The following TXNRD2 variants were observed in gnomAD, a reference collection of about 807,000 sequenced individuals.
TXNRD2 encodes thioredoxin reductase 2.
TXNRD2 carries 67 observed loss-of-function variants against 70.8 expected under a neutral mutation model. That is an observed-to-expected ratio of 0.95 (90% CI 0.78 to 1.16). The LOEUF (loss-of-function observed/expected upper bound fraction) is 1.16, where lower values mean the gene tolerates loss of function less well. TXNRD2 is among the 50% of genes most tolerant of loss of function. The pLI is 0.00. For missense variants in TXNRD2, 644 were observed against 719.9 expected, an observed-to-expected ratio of 0.89 and a Z score of 1.21; for synonymous variants, 301 against 295.8, an observed-to-expected ratio of 1.02 and a Z score of -0.18.
At chr22:19,931,155 G>C in intron 1 of TXNRD2, 57 bp from the exon 2 acceptor site, 2 of 1,531,516 alleles carry the variant, frequency 1.3e-6, no homozygotes, top group Non-Finnish European at 1.8e-6. Flanking sequence ...CGTGGTACAG[G>C]ATCAATTTTA....
chr22:19,888,221 G>T (rs1317329665), intron 11 of TXNRD2, among the ~76,000 whole-genome samples: 1 of 152,198 alleles, frequency 6.6e-6, no homozygotes, highest in Non-Finnish European at 1.5e-5. Flanking sequence ...GAACAGCCGT[G>T]CAGGGCAGCC....
chr22:19,883,290 G>A, intron 12 of TXNRD2, 35 bp downstream of exon 12: 1 of 1,607,874 alleles, frequency 6.2e-7, no homozygotes, highest in Non-Finnish European at 8.5e-7. Flanking sequence ...GAGCAGGCAG[G>A]GGCAGGGGCC....
At chr22:19,890,238 C>T (rs56114807) in intron 11 of TXNRD2, among the ~76,000 whole-genome samples, 4,364 of 152,296 alleles carry the variant, frequency 0.029, 82 homozygotes, top group South Asian at 0.051. Flanking sequence ...CCGCAGCCAC[C>T]GCTCATAGGA....
Position 19,895,271 on chromosome 22 carries a change from T to G in TXNRD2, c.949+136A>C, listed in dbSNP as rs1601409416. 3 of 1,592,816 alleles carry G rather than the reference T, an allele frequency of 1.9e-6. No homozygotes were observed. In the South Asian group the frequency reaches 3.3e-5, roughly 18 times the overall value. On this transcript the variant is annotated intron_variant, in intron 11 of 17. Transcript: ENST00000400521. Reference sequence around the variant, plus strand: ...CAGGCCTTCACGGTTGCTCTCGAGGTGCACTGGGGAGCGGCCAACCCGCCT... The same window carrying G: ...CAGGCCTTCACGGTTGCTCTCGAGGGGCACTGGGGAGCGGCCAACCCGCCT...
chr22:19,922,449 T>C (rs1474346963), intron 2 of TXNRD2, among the ~76,000 whole-genome samples: 1 of 152,180 alleles, frequency 6.6e-6, no homozygotes, highest in East Asian at 1.9e-4. Context: ...CCACATTAAG[T>C]ATTCAAATGG....
At chr22:19,899,210 A>G in intron 8 of TXNRD2, 142 bp from the exon 9 acceptor site, 1 of 1,062,070 alleles carries the variant, frequency 9.4e-7, no homozygotes, top group Non-Finnish European at 1.4e-6. Context: ...AGCTTGCCCC[A>G]GGGGACAAAG....
chr22:19,899,205 GC>G, intron 8 of TXNRD2, 137 bp from the exon 9 acceptor site: 1 of 1,118,292 alleles, frequency 8.9e-7, no homozygotes, highest in Non-Finnish European at 1.3e-6. Context: ...CAAACAGCTT[GC>G]CCCAGGGGAC....
chr22:19,938,681 C>T (rs1028323847), intron 1 of TXNRD2, among the ~76,000 whole-genome samples: 6 of 152,152 alleles, frequency 3.9e-5, no homozygotes, highest in Admixed American at 2.6e-4. Context: ...CATTAATCTT[C>T]GGGGCAGAGA....
intron 11 of TXNRD2, among the ~76,000 whole-genome samples, chr22:19,890,789 G>A (rs886899077): frequency 3.3e-5 from 5 of 152,234 alleles, no homozygotes; most frequent in African/African-American, 1.2e-4. Context: ...AGTCTGCGGT[G>A]TACGGGAGCC....
chr22:19,878,872 C>T (rs541351148), intron 14 of TXNRD2, among the ~76,000 whole-genome samples: 4 of 152,350 alleles, frequency 2.6e-5, no homozygotes, highest in South Asian at 2.1e-4. Flanking sequence ...GGAGCAAGGC[C>T]GCTGTGGCCA....
Position 19,880,609 on chromosome 22 carries a change from C to T in TXNRD2, c.1182+13G>A. 6.2e-7 allele frequency: 1 copy of T among 1,612,648 alleles called. No individual in the cohort carries two copies. Among genetic ancestry groups the T allele is most frequent in the African/African-American group, 1.3e-5 (1 of 75,040 alleles). On this transcript the variant is annotated intron_variant, in intron 13 of 17. Transcript: ENST00000400521. ...GTCCTAGGCTGCACGTGGCGTCCTG[C>T]TAGAGAACTCACATTGTCGTAGTCC... is the stretch of plus-strand genomic sequence containing the variant.
At chr22:19,906,550 A>G (rs1433180810) in intron 8 of TXNRD2, among the ~76,000 whole-genome samples, 11 of 152,096 alleles carry the variant, frequency 7.2e-5, no homozygotes, top group Admixed American at 7.2e-4. Context: ...TGAATCCAGG[A>G]GATCAAGGCT....
Position 19,923,378 on chromosome 22 carries a change from C to T in TXNRD2, c.173-3779G>A, listed in dbSNP as rs559037050. 2.0e-5 allele frequency among the ~76,000 whole-genome samples: 3 copies of T among 152,254 alleles called. No individual in the cohort carries two copies. In the South Asian group the frequency reaches 6.2e-4, roughly 32 times the overall value. On this transcript the variant is annotated intron_variant, in intron 2 of 17. Coordinates refer to ENST00000400521, the MANE Select transcript of TXNRD2 (RefSeq NM_006440.5). ...TCTCCAAACCTCTGTTCAGAAGGGGCTGCGATGCTCCCAGTAGGAAGTCTG... is the reference window on the plus strand; with the variant it reads ...TCTCCAAACCTCTGTTCAGAAGGGGTTGCGATGCTCCCAGTAGGAAGTCTG...
intron 2 of TXNRD2, among the ~76,000 whole-genome samples, chr22:19,928,055 C>T (rs1042540695): frequency 1.3e-5 from 2 of 150,786 alleles, no homozygotes; most frequent in African/African-American, 4.9e-5. Flanking sequence ...TCATTTGAGC[C>T]CAGGATTTTG....
intron 16 of TXNRD2, 72 bp from the exon 17 acceptor site, chr22:19,877,306 G>C: frequency 1.4e-6 from 2 of 1,405,680 alleles, no homozygotes; most frequent in Non-Finnish European, 2.0e-6. Context: ...CCACCCCCGG[G>C]AAGAGGAGGG....
intron 10 of TXNRD2, among the ~76,000 whole-genome samples, chr22:19,896,371 A>G (rs1333859790): frequency 1.3e-5 from 2 of 152,248 alleles, no homozygotes; most frequent in East Asian, 1.9e-4. Flanking sequence ...TTTAAAAAAC[A>G]AAAACAAAAA....
chr22:19,905,907 C>T (rs201971723), intron 8 of TXNRD2, among the ~76,000 whole-genome samples: 1 of 122,422 alleles, frequency 8.2e-6, no homozygotes, highest in African/African-American at 3.4e-5. Context: ...AAGGAAAATA[C>T]AGGGCTTAAA....
intron 7 of TXNRD2, among the ~76,000 whole-genome samples, chr22:19,911,685 CCT>C (rs752052465): frequency 1.6e-4 from 24 of 152,178 alleles, no homozygotes; most frequent in Non-Finnish European, 2.6e-4. Flanking sequence ...GTACCTTTCC[CCT>C]CTGTTCCCCA....
rs574142670 is a variant in TXNRD2 at position 19,875,782 on chromosome 22, C to T, written c.*91G>A. The T allele has an allele frequency of 6.6e-6, 1 of 152,432 alleles. No individual in the cohort carries two copies. Among genetic ancestry groups the T allele is most frequent in the Admixed American group, 6.5e-5 (1 of 15,298 alleles). 9.4% of individuals were successfully genotyped at this position (152,432 alleles called of 1,614,324 possible). On this transcript the variant is annotated 3_prime_UTR_variant, in exon 18 of 18. Coordinates refer to ENST00000400521, the MANE Select transcript of TXNRD2 (RefSeq NM_006440.5). The stretch of plus-strand genomic sequence containing the variant: ...CAGGCGCTCCAGGAGAGGGTTGAGG[C>T]CCCCCAAACCTGGCCTGCAGCCATC...
Sources: allele counts gnomAD v4.1 joint callset (sites outside exome capture counted in the v4.1 genomes callset), GRCh38; gene constraint gnomAD v4.1.1; transcripts MANE v1.5; gene names NCBI Gene and HGNC (gene_info 2026-07-23, HGNC 2026-07-21).